Variants in DDIAS observed in about 807,000 individuals in gnomAD.
DDIAS encodes the protein DNA damage-induced apoptosis suppressor protein.
DDIAS carries 14 observed loss-of-function variants against 15.7 expected under a neutral mutation model. That is an observed-to-expected ratio of 0.89 (90% CI 0.59 to 1.39). The LOEUF (loss-of-function observed/expected upper bound fraction) is 1.39. DDIAS is among the 40% of genes most tolerant of loss of function. The pLI is 0.00. For synonymous variants in DDIAS, 355 were observed against 395.9 expected (o/e 0.90, Z 1.23); for missense variants, 1,035 against 1,130.9 (o/e 0.92, Z 1.22).
At chr11:82,926,114 G>GTT in intron 3 of DDIAS, among the ~76,000 whole-genome samples, 1 of 126,762 alleles carries the variant, frequency 7.9e-6, no homozygotes, top group African/African-American at 3.1e-5. Context: ...TTGAGACAGG[G>GTT]TCTGGCTCTG....
intron 1 of DDIAS, chr11:82,909,240 C>T (rs911861524): frequency 5.3e-5 from 8 of 152,178 alleles, no homozygotes; most frequent in Admixed American, 2.0e-4. Flanking sequence ...AACTTCCTGA[C>T]GTTGCCATGG....
intron 3 of DDIAS, among the ~76,000 whole-genome samples, chr11:82,924,539 G>T (rs1305067197): frequency 6.6e-6 from 1 of 152,200 alleles, no homozygotes; most frequent in East Asian, 1.9e-4. Flanking sequence ...ATGAGGCTGG[G>T]CATAGTAGCT....
chr11:82,910,792 T>C (rs1860519153), intron 1 of DDIAS, among the ~76,000 whole-genome samples: 1 of 151,858 alleles, frequency 6.6e-6, no homozygotes. Flanking sequence ...ATTTTTTTTG[T>C]TTTTTGGAGA....
At chr11:82,913,462 C>T in intron 2 of DDIAS, 76 bp downstream of exon 2, 1 of 249,166 alleles carries the variant, frequency 4.0e-6, no homozygotes, top group Non-Finnish European at 7.9e-6. Flanking sequence ...CCAGGCTGGT[C>T]TTGAACTCCT....
At chr11:82,916,482 C>A (rs1233548798) in intron 3 of DDIAS, among the ~76,000 whole-genome samples, 1 of 151,146 alleles carries the variant, frequency 6.6e-6, no homozygotes. Context: ...TAATAAGGTT[C>A]TTGTAAGGAT....
intron 3 of DDIAS, among the ~76,000 whole-genome samples, chr11:82,926,280 A>G (rs527631339): frequency 1.8e-4 from 28 of 151,812 alleles, no homozygotes; most frequent in Non-Finnish European, 3.5e-4. Flanking sequence ...GTAGAGACAC[A>G]GTTTTGCCAT....
At chr11:82,909,532 G>C (rs1288079470) in intron 1 of DDIAS, among the ~76,000 whole-genome samples, 1 of 152,146 alleles carries the variant, frequency 6.6e-6, no homozygotes, top group Non-Finnish European at 1.5e-5. Context: ...ACATCTGACA[G>C]AATCATAAAT....
Position 82,933,677 on chromosome 11 carries a change from T to A in DDIAS, c.2339T>A (p.Phe780Tyr), listed in dbSNP as rs1176249562. The A allele has an allele frequency of 1.2e-6, 2 of 1,613,970 alleles. No individual in the cohort carries two copies. Among genetic ancestry groups the A allele is most frequent in the Non-Finnish European group, 1.7e-6 (2 of 1,180,006 alleles). ...TCACAGTCAACTCCAATTTCAGGGT[T>A]CCACCAAACAAGAATTCATGGGATA... is the stretch of plus-strand genomic sequence containing the variant. ...PCSQSTPISG[F>Y]HQTRIHGINR... The change falls in exon 6 of 6, where the codon TTC (phenylalanine) becomes TAC (tyrosine). Residue 780 changes from phenylalanine (F) to tyrosine (Y), a missense_variant. Physicochemically the swap from Phe to Tyr is conservative, Grantham distance 22. Coordinates refer to ENST00000533655, the MANE Select transcript of DDIAS (RefSeq NM_145018.4).
chr11:82,905,643 G>A (rs1280897777), intron 1 of DDIAS, among the ~76,000 whole-genome samples: 2 of 151,950 alleles, frequency 1.3e-5, no homozygotes, highest in African/African-American at 4.8e-5. Context: ...AATAGAATTT[G>A]CCAGAATTGC....
chr11:82,934,376 T>C lies in DDIAS; in HGVS notation c.*41T>C, dbSNP rs1861076912. 2 of 1,518,932 alleles carry C rather than the reference T, an allele frequency of 1.3e-6. No individual in the cohort carries two copies. The highest frequency in any genetic ancestry group is 1.8e-4 in the Middle Eastern group (1 of 5,616). 94.1% of individuals were successfully genotyped at this position (1,518,932 alleles called of 1,614,324 possible). On this transcript the variant is annotated 3_prime_UTR_variant, in exon 6 of 6. Coordinates refer to ENST00000533655, the MANE Select transcript of DDIAS (RefSeq NM_145018.4). The stretch of plus-strand genomic sequence containing the variant: ...CAATTCCTGAACTTTTAAATCTGTT[T>C]GGAAATGTTTGCCTTCAGGGGTACG...
At chr11:82,924,113 A>C (rs952451852) in intron 3 of DDIAS, among the ~76,000 whole-genome samples, 2 of 152,258 alleles carry the variant, frequency 1.3e-5, no homozygotes, top group Non-Finnish European at 2.9e-5. Flanking sequence ...CAAAAAGTTT[A>C]TATCATTTAC....
In DDIAS at chr11:82,933,079, G is replaced by A. The variant is rs1211819275; in HGVS notation, c.1741G>A (p.Gly581Arg). 2 of 1,602,580 alleles carry A rather than the reference G, an allele frequency of 1.2e-6. No individual in the cohort carries two copies. The highest frequency in any genetic ancestry group is 2.7e-5 in the African/African-American group (2 of 74,704). The change falls in exon 6 of 6, where the codon GGA (glycine) becomes AGA (arginine). Residue 581 changes from glycine (G) to arginine (R), a missense_variant. Coordinates refer to ENST00000533655, the MANE Select transcript of DDIAS (RefSeq NM_145018.4). Reference protein sequence around the residue: ...SLNNKYLNGCGEISVSEMNEK... With the variant: ...SLNNKYLNGCREISVSEMNEK... ...AAATAACAAATATTTGAATGGATGTGGAGAAATATCAGTTTCAGAAATGAA... is the reference window on the plus strand; with the variant it reads ...AAATAACAAATATTTGAATGGATGTAGAGAAATATCAGTTTCAGAAATGAA...
intron 1 of DDIAS, among the ~76,000 whole-genome samples, chr11:82,911,908 T>C (rs1401251010): frequency 4.0e-5 from 6 of 151,268 alleles, no homozygotes; most frequent in Non-Finnish European, 2.9e-5. Flanking sequence ...CTTGTGCATC[T>C]CATCAGAGCT....
Position 82,933,829 on chromosome 11 carries a change from A to G in DDIAS, c.2491A>G (p.Ser831Gly), listed in dbSNP as rs1288610112. 2 of 1,613,926 alleles carry G rather than the reference A, an allele frequency of 1.2e-6. No homozygotes were observed. The highest frequency in any genetic ancestry group is 1.7e-6 in the Non-Finnish European group (2 of 1,179,966). Residue 831 changes from serine (S) to glycine (G), a missense_variant, in exon 6 of 6, where the codon AGC becomes GGC. By Grantham distance (56) the Ser-to-Gly change is moderately conservative. Coordinates refer to ENST00000533655, the MANE Select transcript of DDIAS (RefSeq NM_145018.4). Reference sequence around the variant, plus strand: ...CTGTCCAAAAAATATAAAAACACCTAGCCAGAAAATCAGAAGCCCTATTGT... The same window carrying G: ...CTGTCCAAAAAATATAAAAACACCTGGCCAGAAAATCAGAAGCCCTATTGT... ...PSCPKNIKTP[S>G]QKIRSPIVSG...
Position 82,931,720 on chromosome 11 carries a change from C to T in DDIAS, c.394-12C>T, listed in dbSNP as rs1433427799. The T allele has an allele frequency of 3.2e-6, 5 of 1,563,266 alleles. No individual in the cohort carries two copies. The highest frequency in any genetic ancestry group is 1.7e-4 in the Middle Eastern group (1 of 5,792). On this transcript the variant is annotated splice_polypyrimidine_tract_variant and intron_variant, in intron 5 of 5. Transcript: ENST00000533655. ...TTTTATTCTTACTTAAATTTCTTTGCTTCTTTCACAGAATTTTGAAAACCA... is the reference window on the plus strand; with the variant it reads ...TTTTATTCTTACTTAAATTTCTTTGTTTCTTTCACAGAATTTTGAAAACCA...
intron 2 of DDIAS, chr11:82,913,956 G>C: frequency 2.3e-6 from 1 of 436,432 alleles, no homozygotes; most frequent in South Asian, 1.6e-5. Context: ...TTCTTTTTTA[G>C]ATGGAGTTTT....
chr11:82,907,902 T>C (rs111253638), intron 1 of DDIAS, among the ~76,000 whole-genome samples: 2 of 152,262 alleles, frequency 1.3e-5, no homozygotes, highest in African/African-American at 4.8e-5. Flanking sequence ...AGCACTGGGG[T>C]TACAGTAGAG....
chr11:82,928,893 G>A lies in DDIAS; in HGVS notation c.230G>A (p.Ser77Asn), dbSNP rs1860925180. 1.2e-6 allele frequency: 2 copies of A among 1,612,472 alleles called. No homozygotes were observed. Among genetic ancestry groups the A allele is most frequent in the African/African-American group, 2.7e-5 (2 of 74,848 alleles). Residue 77 changes from serine (S) to asparagine (N), a missense_variant, in exon 4 of 6, where the codon AGT becomes AAT. Coordinates refer to ENST00000533655, the MANE Select transcript of DDIAS (RefSeq NM_145018.4). ...NKLFVITVFG[S>N]CLDTFFGLTA... ...TTGTTTGTTATTACTGTATTTGGAA[G>A]TTGCTTAGATACATTTTTTGGTCTT...
At chr11:82,914,178 G>A (rs573576041) in intron 2 of DDIAS, 28 of 259,862 alleles carry the variant, frequency 1.1e-4, no homozygotes, top group South Asian at 8.1e-4. Context: ...CAGGTGATCC[G>A]CCTGCCTCGG....
Sources: gnomAD v4.1 joint callset for allele counts (sites outside exome capture counted in the v4.1 genomes callset) on GRCh38, gnomAD v4.1.1 for gene constraint, MANE v1.5 for transcripts, NCBI Gene and HGNC (gene_info 2026-07-23, HGNC 2026-07-21) for gene names.